FMNL2: variants seen among roughly 807,000 people sequenced by gnomAD.
FMNL2 encodes formin-like protein 2.
FMNL2 carries 51 observed loss-of-function variants against 130.2 expected under a neutral mutation model. That is an observed-to-expected ratio of 0.39 (90% CI 0.31 to 0.49). The LOEUF (loss-of-function observed/expected upper bound fraction) is 0.49. FMNL2 is among the 20% of genes least tolerant of loss of function. The pLI is 0.85. For missense variants in FMNL2, 977 were observed against 1,316.2 expected, an observed-to-expected ratio of 0.74 and a Z score of 3.99; for synonymous variants, 465 against 467.1, an observed-to-expected ratio of 1.00 and a Z score of 0.06.
chr2:152,602,940 T>G (rs1211365224), intron 9 of FMNL2, among the ~76,000 whole-genome samples: 2 of 152,156 alleles, frequency 1.3e-5, no homozygotes, highest in African/African-American at 4.8e-5. Context: ...TGCGTGGGGG[T>G]GCTCCAGATG....
Position 152,560,379 on chromosome 2 carries a change from G to A in FMNL2, c.444-504G>A, listed in dbSNP as rs147697478. Among the ~76,000 whole-genome samples the A allele has an allele frequency of 3.0e-3, 451 of 152,252 alleles. 1 individual carries two copies. The highest frequency in any genetic ancestry group is 0.01 in the African/African-American group (436 of 41,550). ...TTTAAAGAGCACCACACTGGGAGGA[G>A]ATTCCAAAATCAAAGCAAATCCATA... On this transcript the variant is annotated intron_variant, in intron 5 of 25. Transcript: ENST00000288670.
intron 2 of FMNL2, among the ~76,000 whole-genome samples, chr2:152,538,657 G>A (rs1449274291): frequency 6.6e-6 from 1 of 152,126 alleles, no homozygotes; most frequent in Non-Finnish European, 1.5e-5. Context: ...GGGAGAGGGA[G>A]AAGAGAAAAG....
chr2:152,351,184 C>T (rs1456678541), intron 1 of FMNL2, among the ~76,000 whole-genome samples: 2 of 152,102 alleles, frequency 1.3e-5, no homozygotes, highest in Non-Finnish European at 2.9e-5. Context: ...CCCTAGAAAG[C>T]AATTATTATT....
intron 12 of FMNL2, among the ~76,000 whole-genome samples, chr2:152,615,449 C>T (rs779634750): frequency 6.6e-6 from 1 of 152,148 alleles, no homozygotes; most frequent in Non-Finnish European, 1.5e-5. Flanking sequence ...TCTTACGGTA[C>T]TCAAATTCTT....
intron 1 of FMNL2, among the ~76,000 whole-genome samples, chr2:152,397,537 T>A (rs1262262661): frequency 6.6e-6 from 1 of 152,226 alleles, no homozygotes; most frequent in East Asian, 1.9e-4. Context: ...GGGAAAGTGA[T>A]AGGACACTTT....
At chr2:152,636,851 T>C (rs1682655763) in intron 22 of FMNL2, among the ~76,000 whole-genome samples, 1 of 152,132 alleles carries the variant, frequency 6.6e-6, no homozygotes, top group African/African-American at 2.4e-5. Flanking sequence ...CTCACTCCAG[T>C]GTGGGTGCTG....
At chr2:152,377,048 T>C (rs1272733159) in intron 1 of FMNL2, among the ~76,000 whole-genome samples, 1 of 152,246 alleles carries the variant, frequency 6.6e-6, no homozygotes, top group African/African-American at 2.4e-5. Context: ...AGCCTGGTTT[T>C]ACCAATCTCT....
chr2:152,432,715 AGGGGGC>A (rs1437382768), intron 1 of FMNL2, among the ~76,000 whole-genome samples: 1 of 152,244 alleles, frequency 6.6e-6, no homozygotes, highest in Admixed American at 6.5e-5. Flanking sequence ...GAATTGGCAT[AGGGGGC>A]CGTTAATTAA....
rs796954245 is a variant in FMNL2, at chr2:152,375,877, C to CTCTCTCTCTCTATATATATA, written c.117+40158_117+40159insCTCTCTCTCTATATATATAT. On this transcript the variant is annotated intron_variant, in intron 1 of 25. Transcript: ENST00000288670. ...TCTCTCTCTCTCTCTCTCTCTCTCTCTATATATATATATATATATAATTAT... is the reference window on the plus strand; with the variant it reads ...TCTCTCTCTCTCTCTCTCTCTCTCTCTCTCTCTCTCTATATATATATATATATATATATATATATAATTAT... 1.1e-3 allele frequency among the ~76,000 whole-genome samples: 121 copies of CTCTCTCTCTCTATATATATA among 112,452 alleles called. 2 individuals are homozygous for CTCTCTCTCTCTATATATATA. In the East Asian group the frequency reaches 0.026, roughly 24 times the overall value. 73.8% of individuals were successfully genotyped at this position (112,452 alleles called of 152,430 possible). A position where few individuals can be genotyped will look rare whatever the true frequency, so the allele number is the denominator to read the frequency against.
At chr2:152,631,392 C>CAAAAAAA (rs33966314) in intron 20 of FMNL2, among the ~76,000 whole-genome samples, 6 of 77,230 alleles carry the variant, frequency 7.8e-5, no homozygotes, top group Admixed American at 1.7e-4. Flanking sequence ...GACTCCATCT[C>CAAAAAAA]AAAAAAAAAA....
rs190688374 is a variant in FMNL2 at position 152,587,406 on chromosome 2, G to A, written c.876+6357G>A. ...TAGTCTGTATACCTCAGTAAGTCTCGTACCTCAGTAACTGTATGAGATTTA... is the reference window on the plus strand; with the variant it reads ...TAGTCTGTATACCTCAGTAAGTCTCATACCTCAGTAACTGTATGAGATTTA... On this transcript the variant is annotated intron_variant, in intron 9 of 25. Transcript: ENST00000288670. Among the ~76,000 whole-genome samples the A allele has an allele frequency of 2.6e-5, 4 of 152,236 alleles. No individual in the cohort carries two copies. In the East Asian group the frequency reaches 5.8e-4, roughly 22 times the overall value.
chr2:152,485,275 G>A (rs1222702573), intron 1 of FMNL2, among the ~76,000 whole-genome samples: 16 of 152,280 alleles, frequency 1.1e-4, no homozygotes, highest in Middle Eastern at 3.4e-3. Context: ...GGCAGATCAC[G>A]AGGTCAAGAG....
At chr2:152,632,943 C>T (rs1682275607) in intron 21 of FMNL2, among the ~76,000 whole-genome samples, 1 of 152,140 alleles carries the variant, frequency 6.6e-6, no homozygotes, top group South Asian at 2.1e-4. Context: ...CCTCAGGCAT[C>T]TGGAATTTTG....
intron 1 of FMNL2, among the ~76,000 whole-genome samples, chr2:152,369,385 T>C (rs529596943): frequency 6.6e-6 from 1 of 152,344 alleles, no homozygotes; most frequent in East Asian, 1.9e-4. Context: ...GATTGGCAAA[T>C]AAAACTTGGG....
chr2:152,373,257 A>C (rs1253817192), intron 1 of FMNL2, among the ~76,000 whole-genome samples: 2 of 152,182 alleles, frequency 1.3e-5, no homozygotes, highest in African/African-American at 4.8e-5. Context: ...TTTTAAAATA[A>C]GTTTTTTTGG....
rs1171392541 is a variant in FMNL2, at chr2:152,558,834, C to T, written c.443+11C>T. On this transcript the variant is annotated intron_variant, in intron 5 of 25. Transcript: ENST00000288670. Reference sequence around the variant, plus strand: ...ACAGTACGCGGTAACGTAAGTAAAACTTGGCTTGCTTGCATTTGAATTTTA... The same window carrying T: ...ACAGTACGCGGTAACGTAAGTAAAATTTGGCTTGCTTGCATTTGAATTTTA... 9 of 1,610,112 alleles carry T rather than the reference C, an allele frequency of 5.6e-6. No individual in the cohort carries two copies. In the African/African-American group the frequency reaches 1.1e-4, roughly 19 times the overall value.
intron 1 of FMNL2, among the ~76,000 whole-genome samples, chr2:152,439,891 G>A (rs1687968261): frequency 6.6e-6 from 1 of 150,920 alleles, no homozygotes. Context: ...GGTGCTTAGA[G>A]TGGTCTCACC....
chr2:152,538,162 G>A (rs1008259298), intron 2 of FMNL2, among the ~76,000 whole-genome samples: 1 of 152,170 alleles, frequency 6.6e-6, no homozygotes, highest in Non-Finnish European at 1.5e-5. Context: ...ATGATGGATT[G>A]CACGTAGCTG....
intron 9 of FMNL2, among the ~76,000 whole-genome samples, chr2:152,606,143 A>G (rs1395537717): frequency 6.6e-6 from 1 of 152,244 alleles, no homozygotes; most frequent in Non-Finnish European, 1.5e-5. Context: ...TGGCTGCATT[A>G]TGAAATAACA....
Sources: allele counts gnomAD v4.1 joint callset (sites outside exome capture counted in the v4.1 genomes callset), GRCh38; gene constraint gnomAD v4.1.1; transcripts MANE v1.5; gene names NCBI Gene and HGNC (gene_info 2026-07-23, HGNC 2026-07-21).